Variants in UNC13B observed in about 807,000 individuals in gnomAD.
The protein encoded by UNC13B is protein unc-13 homolog B.
A neutral mutation model predicts 211.0 loss-of-function variants in UNC13B; 144 were observed. That is an observed-to-expected ratio of 0.68 (90% CI 0.60 to 0.78). UNC13B has a LOEUF of 0.78. Ranked by LOEUF, UNC13B falls within the 30% of genes least tolerant of loss-of-function variation. The pLI, the probability that UNC13B is intolerant of heterozygous loss-of-function variation, is 0.00. For missense variants in UNC13B, 1,777 were observed against 2,002.0 expected (o/e 0.89, Z 2.14); for synonymous variants, 709 against 725.8 (o/e 0.98, Z 0.37).
intron 3 of UNC13B, among the ~76,000 whole-genome samples, chr9:35,232,542 G>C (rs2131511472): frequency 6.6e-6 from 1 of 152,024 alleles, no homozygotes; most frequent in Middle Eastern, 3.4e-3. Flanking sequence ...TAAGGTTTTG[G>C]GCTAGGACAA....
intron 1 of UNC13B, among the ~76,000 whole-genome samples, chr9:35,178,885 CAAAAAAAAAA>C (rs35487632): frequency 9.8e-5 from 6 of 61,118 alleles, no homozygotes; most frequent in African/African-American, 2.6e-4. Flanking sequence ...GAGACAGCCT[CAAAAAAAAAA>C]AAAAAAAAAA....
chr9:35,211,376 T>C (rs962442963), intron 1 of UNC13B, among the ~76,000 whole-genome samples: 10 of 152,210 alleles, frequency 6.6e-5, no homozygotes, highest in African/African-American at 2.2e-4. Flanking sequence ...GTCTTAAGTC[T>C]AGATGATTTG....
chr9:35,197,293 C>T (rs890768728), intron 1 of UNC13B, among the ~76,000 whole-genome samples: 13 of 151,322 alleles, frequency 8.6e-5, no homozygotes, highest in Admixed American at 2.6e-4. Flanking sequence ...CTACAGCCTC[C>T]GCCTTCCAGG....
chr9:35,381,456 G>A (rs1434823393), intron 19 of UNC13B, 100 bp from the exon 20 acceptor site: 8 of 1,390,472 alleles, frequency 5.8e-6, no homozygotes, highest in African/African-American at 2.9e-5. Flanking sequence ...CAGAATTTCT[G>A]TGGGACCTTG....
In UNC13B at chr9:35,304,429, T is replaced by C; in HGVS notation, c.5025T>C (p.Cys1675=). Residue 1675 remains cysteine, a synonymous_variant, in exon 9 of 40, where the codon TGT becomes TGC. Coordinates refer to ENST00000635942, the MANE Select transcript of UNC13B (RefSeq NM_001371189.2). The stretch of plus-strand genomic sequence containing the variant: ...CGTGTGGTTCTGAAGACGCTGAATG[T>C]ACATTAGATCTCAGAAATCAGCCCC... The part of the protein sequence containing the change: ...ERPCGSEDAE[C]TLDLRNQPQT... 1 of 398,704 alleles carries C rather than the reference T, an allele frequency of 2.5e-6. No homozygotes were observed. The highest frequency in any genetic ancestry group is 4.4e-6 in the Non-Finnish European group (1 of 225,892). 24.7% of individuals were successfully genotyped at this position (398,704 alleles called of 1,614,324 possible).
intron 1 of UNC13B, among the ~76,000 whole-genome samples, chr9:35,165,410 A>ATTTT (rs535456762): frequency 7.3e-6 from 1 of 136,528 alleles, no homozygotes; most frequent in Admixed American, 7.4e-5. Context: ...ATTGACTTGA[A>ATTTT]TTTTTTTTTT....
At chr9:35,220,904 T>A (rs560384334) in intron 1 of UNC13B, among the ~76,000 whole-genome samples, 13 of 152,310 alleles carry the variant, frequency 8.5e-5, no homozygotes, top group African/African-American at 3.1e-4. Flanking sequence ...TTTCTCCACA[T>A]CTTTGCCAGC....
chr9:35,274,372 C>G (rs921874155), intron 7 of UNC13B, among the ~76,000 whole-genome samples: 1 of 152,142 alleles, frequency 6.6e-6, no homozygotes, highest in East Asian at 1.9e-4. Flanking sequence ...CACACCCAGT[C>G]AAGAATTTGC....
chr9:35,241,598 A>G (rs1030996953), intron 5 of UNC13B, among the ~76,000 whole-genome samples: 2 of 110,298 alleles, frequency 1.8e-5, no homozygotes, highest in Non-Finnish European at 3.9e-5. Context: ...CACACACACC[A>G]CCATCTTCTT....
Position 35,305,605 on chromosome 9 carries a change from T to C in UNC13B, c.6201T>C (p.Asn2067=). Residue 2067 remains asparagine (N), a synonymous_variant, in exon 9 of 40, where the codon AAT becomes AAC. Transcript: ENST00000635942. Reference sequence around the variant, plus strand: ...AATCAACTAGAGGGATCCAGGGTAATGATTTGACTGAAAAAGAGGTACCAT... The same window carrying C: ...AATCAACTAGAGGGATCCAGGGTAACGATTTGACTGAAAAAGAGGTACCAT... ...LEESTRGIQG[N]DLTEKEVPFR... The C allele has an allele frequency of 2.5e-6, 1 of 398,932 alleles. No homozygotes were observed. The allele number at this position is 398,932 out of a possible 1,614,324, so 24.7% of individuals were successfully genotyped here. A position where few individuals can be genotyped will look rare whatever the true frequency, so the allele number is the denominator to read the frequency against.
chr9:35,369,753 G>A (rs574525772), intron 12 of UNC13B, among the ~76,000 whole-genome samples: 1 of 152,184 alleles, frequency 6.6e-6, no homozygotes, highest in South Asian at 2.1e-4. Flanking sequence ...TGATTATGAG[G>A]GCTCCTTTCT....
rs778517841 is a variant in UNC13B, at chr9:35,295,844, G to A, written c.675G>A (p.Gln225=). Residue 225 remains glutamine, a synonymous_variant, in exon 8 of 40, where the codon CAG becomes CAA. Transcript: ENST00000635942. ...CTGTGCCGGTGCGATCGCCACAGCA[G>A]CTGCTACTTCAAGGCAGTTCCCGGG... is the stretch of plus-strand genomic sequence containing the variant. ...QFPVPVRSPQ[Q]LLLQGSSRDS... is the part of the protein sequence containing the mutation. The A allele has an allele frequency of 1.2e-6, 2 of 1,614,158 alleles. No homozygotes were observed. Among genetic ancestry groups the A allele is most frequent in the Non-Finnish European group, 8.5e-7 (1 of 1,180,026 alleles).
intron 11 of UNC13B, among the ~76,000 whole-genome samples, chr9:35,328,917 G>A (rs1831206633): frequency 1.3e-5 from 2 of 151,682 alleles, no homozygotes; most frequent in South Asian, 4.2e-4. Context: ...ACAGGCGCCT[G>A]CCACCATGCC....
intron 3 of UNC13B, 120 bp downstream of exon 3, chr9:35,231,339 T>C: frequency 1.6e-6 from 1 of 621,480 alleles, no homozygotes; most frequent in Non-Finnish European, 2.8e-6. Context: ...GTACTGGCAC[T>C]GTTAAATACT....
In UNC13B at chr9:35,405,137, G is replaced by A. The variant is rs1158256336; in HGVS notation, c.*1104G>A. 4.6e-5 allele frequency: 7 copies of A among 152,678 alleles called. No homozygotes were observed. Among genetic ancestry groups the A allele is most frequent in the Non-Finnish European group, 1.0e-4 (7 of 68,090 alleles). The allele number at this position is 152,678 out of a possible 1,614,324, so 9.5% of individuals were successfully genotyped here. ...TCAGAGAGTCAGATGGACTTCCCAA[G>A]ACTTGTTGAGAGATGTGACATGGTT... is the stretch of plus-strand genomic sequence containing the variant. On this transcript the variant is annotated 3_prime_UTR_variant, in exon 40 of 40. Transcript: ENST00000635942.
At chr9:35,279,455 G>GT (rs943441964) in intron 7 of UNC13B, among the ~76,000 whole-genome samples, 10 of 151,374 alleles carry the variant, frequency 6.6e-5, no homozygotes, top group South Asian at 4.2e-4. Context: ...GATGAAATAT[G>GT]TTTTTTTTTA....
chr9:35,183,315 C>A, intron 1 of UNC13B, among the ~76,000 whole-genome samples: 2 of 93,732 alleles, frequency 2.1e-5, no homozygotes, highest in Admixed American at 1.1e-4. Flanking sequence ...ACCTCCCAGG[C>A]GGGGCAGCCG....
At chr9:35,187,835 C>T (rs1052100647) in intron 1 of UNC13B, among the ~76,000 whole-genome samples, 2 of 152,106 alleles carry the variant, frequency 1.3e-5, no homozygotes, top group African/African-American at 2.4e-5. Context: ...AAACCCTGGA[C>T]GGGGACTGTG....
At chr9:35,315,603 A>G (rs954505148) in intron 11 of UNC13B, among the ~76,000 whole-genome samples, 1 of 152,192 alleles carries the variant, frequency 6.6e-6, no homozygotes, top group African/African-American at 2.4e-5. Context: ...ACAGTTCTGT[A>G]TAACCATGAT....
Sources: allele counts gnomAD v4.1 joint callset (sites outside exome capture counted in the v4.1 genomes callset), GRCh38; gene constraint gnomAD v4.1.1; transcripts MANE v1.5; gene names NCBI Gene and HGNC (gene_info 2026-07-23, HGNC 2026-07-21).